Variants in DUSP10 observed in about 807,000 individuals in gnomAD.
The protein encoded by DUSP10 is dual specificity protein phosphatase 10.
A neutral mutation model predicts 30.8 loss-of-function variants in DUSP10; 14 were observed. The ratio of observed to expected loss-of-function variants is 0.46; its 90% CI spans 0.30 to 0.71. The LOEUF (loss-of-function observed/expected upper bound fraction) is 0.71. Among genes scored for constraint, DUSP10 ranks in the 30% least tolerant of loss-of-function variants. The probability of loss-of-function intolerance (pLI) is 0.08; values close to 1 mark genes in which losing one functional copy is unlikely to be tolerated. For synonymous variants in DUSP10, 254 were observed against 250.4 expected, an observed-to-expected ratio of 1.01 and a Z score of -0.14; for missense variants, 550 against 619.4, an observed-to-expected ratio of 0.89 and a Z score of 1.19.
chr1:221,737,354 T>G (rs1301766494), intron 2 of DUSP10: 1 of 985,296 alleles, frequency 1.0e-6, no homozygotes, highest in Admixed American at 6.1e-5. Flanking sequence ...AAATGGGAAA[T>G]TCCTCGGTAG....
intron 2 of DUSP10, among the ~76,000 whole-genome samples, chr1:221,714,701 C>G (rs1480253323): frequency 6.6e-6 from 1 of 152,190 alleles, no homozygotes; most frequent in Non-Finnish European, 1.5e-5. Flanking sequence ...TCACCTCTCT[C>G]TCACTAAAGA....
intron 2 of DUSP10, among the ~76,000 whole-genome samples, chr1:221,731,917 TA>T (rs1013624569): frequency 1.8e-4 from 27 of 151,296 alleles, no homozygotes; most frequent in Non-Finnish European, 3.8e-4. Context: ...GGCTATTTCT[TA>T]AAAAAGAAAA....
At chr1:221,723,612 A>G (rs1372695079) in intron 2 of DUSP10, among the ~76,000 whole-genome samples, 2 of 152,248 alleles carry the variant, frequency 1.3e-5, no homozygotes, top group Non-Finnish European at 2.9e-5. Flanking sequence ...ATAATTCACT[A>G]GAATGACTCA....
intron 2 of DUSP10, among the ~76,000 whole-genome samples, chr1:221,731,632 GAC>G (rs1383800034): frequency 8.6e-6 from 1 of 116,950 alleles, no homozygotes; most frequent in African/African-American, 3.6e-5. Context: ...CTTTTTTTGC[GAC>G]AGAGTCTCAC....
intron 2 of DUSP10, among the ~76,000 whole-genome samples, chr1:221,733,599 G>T (rs1452193006): frequency 6.6e-6 from 1 of 152,250 alleles, no homozygotes; most frequent in Non-Finnish European, 1.5e-5. Flanking sequence ...TTACATTAGT[G>T]CATGAGAGTA....
chr1:221,709,162 C>T (rs980156321), intron 2 of DUSP10, among the ~76,000 whole-genome samples: 1 of 152,200 alleles, frequency 6.6e-6, no homozygotes, highest in Admixed American at 6.5e-5. Flanking sequence ...CAAAGACATA[C>T]AATGACATCA....
intron 2 of DUSP10, among the ~76,000 whole-genome samples, chr1:221,719,405 T>C (rs1661212818): frequency 1.3e-5 from 2 of 152,128 alleles, no homozygotes; most frequent in African/African-American, 4.8e-5. Flanking sequence ...GGCTGAGCTT[T>C]GACAGGTCCA....
chr1:221,720,698 G>A (rs1389995398), intron 2 of DUSP10, among the ~76,000 whole-genome samples: 1 of 152,172 alleles, frequency 6.6e-6, no homozygotes, highest in Admixed American at 6.5e-5. Flanking sequence ...ATCCACAGAG[G>A]TGTTCCGAAA....
At chr1:221,740,192 C>A (rs983486242) in intron 1 of DUSP10, among the ~76,000 whole-genome samples, 3 of 152,178 alleles carry the variant, frequency 2.0e-5, no homozygotes, top group African/African-American at 7.2e-5. Flanking sequence ...GAGAAAGACC[C>A]ATTTGTCCAC....
At chr1:221,723,093 C>G (rs1251670540) in intron 2 of DUSP10, among the ~76,000 whole-genome samples, 1 of 152,198 alleles carries the variant, frequency 6.6e-6, no homozygotes, top group Non-Finnish European at 1.5e-5. Flanking sequence ...TTAAGAATCC[C>G]TGGTGTCAAA....
At chr1:221,714,831 G>A (rs1407027776) in intron 2 of DUSP10, among the ~76,000 whole-genome samples, 1 of 152,028 alleles carries the variant, frequency 6.6e-6, no homozygotes, top group Non-Finnish European at 1.5e-5. Context: ...ATTTAACCCA[G>A]ACAAGGTAGC....
chr1:221,706,793 G>T lies in DUSP10; in HGVS notation c.812-327C>A, dbSNP rs1660781045. Among the ~76,000 whole-genome samples, 1 of 152,008 alleles carries T rather than the reference G, an allele frequency of 6.6e-6. No homozygotes were observed. Among genetic ancestry groups the T allele is most frequent in the Non-Finnish European group, 1.5e-5 (1 of 67,998 alleles). On this transcript the variant is annotated intron_variant, in intron 2 of 3. Transcript: ENST00000366899. The surrounding 1 kb of genome is among the most constrained non-coding windows in gnomAD (Gnocchi z 4.6). ...TCTTCCTCAGCTGCAAATGTGACCT[G>T]CCTCAAAGAGCCATATGCTCAGTGG...
At chr1:221,732,054 T>C (rs1174661105) in intron 2 of DUSP10, among the ~76,000 whole-genome samples, 2 of 152,188 alleles carry the variant, frequency 1.3e-5, no homozygotes, top group African/African-American at 4.8e-5. Context: ...ATTTCCAAGA[T>C]GGAAAGGATC....
At position 221,726,286 on chromosome 1, in the gene DUSP10, A is replaced by G. The variant is rs531799964; in HGVS notation, c.811+12648T>C. Among the ~76,000 whole-genome samples, 3 of 152,372 alleles carry G rather than the reference A, an allele frequency of 2.0e-5. No homozygotes were observed. The East Asian group carries it at 5.8e-4, about 29-fold the overall frequency. ...TGGGTGGGAAGGTGGAGAAAATTCCAAACAAGGGTTTCCTTCAAGAGGTTT... is the reference window on the plus strand; with the variant it reads ...TGGGTGGGAAGGTGGAGAAAATTCCGAACAAGGGTTTCCTTCAAGAGGTTT... On this transcript the variant is annotated intron_variant, in intron 2 of 3. Coordinates refer to ENST00000366899, the MANE Select transcript of DUSP10 (RefSeq NM_007207.6).
chr1:221,732,770 A>G (rs1255377295), intron 2 of DUSP10, among the ~76,000 whole-genome samples: 1 of 152,214 alleles, frequency 6.6e-6, no homozygotes, highest in African/African-American at 2.4e-5. Context: ...GGGAGCTTTA[A>G]AAAAATCTTG....
In DUSP10 at chr1:221,712,020, G is replaced by A. The variant is rs578167762; in HGVS notation, c.812-5554C>T. ...GGCAGAATATCACCTATCTTAACAG[G>A]AGAAACATGTGGGGTGGTGGTGGGT... On this transcript the variant is annotated intron_variant, in intron 2 of 3. Transcript: ENST00000366899. Among the ~76,000 whole-genome samples the A allele has an allele frequency of 4.6e-5, 7 of 152,266 alleles. No individual in the cohort carries two copies. In the East Asian group the frequency reaches 1.4e-3, roughly 29 times the overall value.
At position 221,706,321 on chromosome 1, in the gene DUSP10, G is replaced by C. The variant is rs778876142; in HGVS notation, c.957C>G (p.Asn319Lys). The change falls in exon 3 of 4, where the codon AAC becomes AAG. Residue 319 changes from asparagine to lysine, a missense_variant. Physicochemically the swap from Asn to Lys is moderately conservative, Grantham distance 94. Coordinates refer to ENST00000366899, the MANE Select transcript of DUSP10 (RefSeq NM_007207.6). The surrounding 1 kb of genome is among the most constrained non-coding windows in gnomAD (Gnocchi z 4.6). ...AGGGCAAGATGGGGGTGAGCTCAGC[G>C]TTCTCGATGTCAGGGGTGGTGGGGA... Reference protein sequence around the residue: ...QPIPTTPDIENAELTPILPFL... With the variant: ...QPIPTTPDIEKAELTPILPFL... 6.2e-7 allele frequency: 1 copy of C among 1,613,672 alleles called. No individual in the cohort carries two copies. Among genetic ancestry groups the C allele is most frequent in the African/African-American group, 1.3e-5 (1 of 75,026 alleles).
chr1:221,731,950 G>T (rs745887868), intron 2 of DUSP10, among the ~76,000 whole-genome samples: 2 of 152,082 alleles, frequency 1.3e-5, no homozygotes, highest in Non-Finnish European at 2.9e-5. Context: ...GTACAAACAT[G>T]TGCTTCACAG....
chr1:221,724,705 T>C (rs1414380373), intron 2 of DUSP10, among the ~76,000 whole-genome samples: 4 of 152,252 alleles, frequency 2.6e-5, no homozygotes, highest in African/African-American at 9.6e-5. Flanking sequence ...AAATATGTGT[T>C]TGTTTGCATG....
Sources: gnomAD v4.1 joint callset for allele counts (sites outside exome capture counted in the v4.1 genomes callset) on GRCh38, gnomAD v4.1.1 for gene constraint, Gnocchi (gnomAD v3.1) non-coding constraint, MANE v1.5 for transcripts, NCBI Gene and HGNC (gene_info 2026-07-23, HGNC 2026-07-21) for gene names.